JAKMIP1: variants seen among roughly 807,000 people sequenced by gnomAD.
The protein encoded by JAKMIP1 is janus kinase and microtubule interacting protein 1.
JAKMIP1 carries 33 observed loss-of-function variants against 113.0 expected under a neutral mutation model. That is an observed-to-expected ratio of 0.29 (90% confidence interval 0.22 to 0.39). The LOEUF is 0.39. Ranked by LOEUF, JAKMIP1 falls within the 10% of genes least tolerant of loss-of-function variation. The pLI is 1.00. For synonymous variants in JAKMIP1, 480 were observed against 459.9 expected, an observed-to-expected ratio of 1.04 and a Z score of -0.56; for missense variants, 813 against 1,080.5, an observed-to-expected ratio of 0.75 and a Z score of 3.47.
At chr4:6,039,657 T>A (rs141642880) in intron 18 of JAKMIP1, among the ~76,000 whole-genome samples, 2,875 of 152,262 alleles carry the variant, frequency 0.019, 30 homozygotes, top group Non-Finnish European at 0.032. Context: ...TGCTGTGTCT[T>A]GATAAGGTTT....
chr4:6,167,851 G>C lies in JAKMIP1; in HGVS notation c.-148+32402C>G, dbSNP rs561067954. Among the ~76,000 whole-genome samples the C allele has an allele frequency of 1.3e-5, 2 of 152,198 alleles. No individual in the cohort carries two copies. The highest frequency in any genetic ancestry group is 4.8e-5 in the African/African-American group (2 of 41,436). On this transcript the variant is annotated intron_variant, in intron 1 of 20. Coordinates refer to ENST00000409021, the MANE Select transcript of JAKMIP1 (RefSeq NM_001099433.2). This position sits in a 1 kb window ranked among gnomAD's most constrained non-coding sequence, Gnocchi z 5.3. The stretch of plus-strand genomic sequence containing the variant: ...GACATCTGAGTGCACTGAATGCTTC[G>C]GTTTAGAGCATGCCAGAAATCAGAG...
rs1170943520 is a variant in JAKMIP1 at position 6,157,188 on chromosome 4, CA to C, written c.-148+43064del. Among the ~76,000 whole-genome samples the C allele has an allele frequency of 6.6e-6, 1 of 152,190 alleles. No individual in the cohort carries two copies. The highest frequency in any genetic ancestry group is 2.4e-5 in the African/African-American group (1 of 41,434). ...CCTTGCCAGATGCAGGTCCCTCCAC[CA>C]TGGACTTCCCAGCCTCCAGAACTGT... is the stretch of plus-strand genomic sequence containing the variant. On this transcript the variant is annotated intron_variant, in intron 1 of 20. Transcript: ENST00000409021. The surrounding 1 kb of genome is among the most constrained non-coding windows in gnomAD (Gnocchi z 4.7).
chr4:6,032,005 C>T (rs574465544), intron 19 of JAKMIP1, among the ~76,000 whole-genome samples: 1 of 152,240 alleles, frequency 6.6e-6, no homozygotes, highest in Admixed American at 6.5e-5. Context: ...TCCTGGCAAC[C>T]CCCTCACATG....
At position 6,162,295 on chromosome 4, in the gene JAKMIP1, G is replaced by T. The variant is rs1723067451; in HGVS notation, c.-148+37958C>A. Among the ~76,000 whole-genome samples, 1 of 152,184 alleles carries T rather than the reference G, an allele frequency of 6.6e-6. No homozygotes were observed. The highest frequency in any genetic ancestry group is 6.5e-5 in the Admixed American group (1 of 15,288). On this transcript the variant is annotated intron_variant, in intron 1 of 20. Coordinates refer to ENST00000409021, the MANE Select transcript of JAKMIP1 (RefSeq NM_001099433.2). The surrounding 1 kb of genome is among the most constrained non-coding windows in gnomAD (Gnocchi z 5.6). ...GTGGTGACAGGGCCAGCAGAGGAGA[G>T]ACTCACCAGGACACTGCACTGCAGC...
rs148356407 is a variant in JAKMIP1, at chr4:6,095,985, G to C, written c.624+9488C>G. ...AAGGTGGCATATAACTGAGTGACTCGGGGCTGGCCTAGATGATGCTCAGGC... is the reference window on the plus strand; with the variant it reads ...AAGGTGGCATATAACTGAGTGACTCCGGGCTGGCCTAGATGATGCTCAGGC... On this transcript the variant is annotated intron_variant, in intron 3 of 20. Coordinates refer to ENST00000409021, the MANE Select transcript of JAKMIP1 (RefSeq NM_001099433.2). Among the ~76,000 whole-genome samples the C allele has an allele frequency of 7.8e-3, 1,195 of 152,314 alleles. 14 individuals carry two copies. The highest frequency in any genetic ancestry group is 0.028 in the African/African-American group (1,148 of 41,568).
rs1243744443 is a variant in JAKMIP1, at chr4:6,108,455, TG to T, written c.130-2489del. Among the ~76,000 whole-genome samples, 1 of 152,090 alleles carries T rather than the reference TG, an allele frequency of 6.6e-6. No individual in the cohort carries two copies. On this transcript the variant is annotated intron_variant, in intron 2 of 20. Transcript: ENST00000409021. The surrounding 1 kb of genome is among the most constrained non-coding windows in gnomAD (Gnocchi z 5.6). ...AGAGAGGGAGCATGCCCTGGGGGTG[TG>T]GGGGCTGGCGTGGAGAAATTATCTG...
chr4:6,173,032 C>T (rs530478162), intron 1 of JAKMIP1, among the ~76,000 whole-genome samples: 3 of 152,270 alleles, frequency 2.0e-5, no homozygotes, highest in South Asian at 2.1e-4. Flanking sequence ...AGGAGGCTAA[C>T]CCGATTAACA....
intron 1 of JAKMIP1, among the ~76,000 whole-genome samples, chr4:6,164,726 C>T (rs1723401125): frequency 6.6e-6 from 1 of 152,118 alleles, no homozygotes; most frequent in Non-Finnish European, 1.5e-5. Flanking sequence ...GATTCTAACC[C>T]CTATGGATGA....
At chr4:6,103,797 C>G (rs1713466040) in intron 3 of JAKMIP1, among the ~76,000 whole-genome samples, 1 of 152,084 alleles carries the variant, frequency 6.6e-6, no homozygotes, top group Non-Finnish European at 1.5e-5. Context: ...ATGCTGTTTG[C>G]TGTGGTTTTA....
chr4:6,115,380 A>T (rs113592352), intron 1 of JAKMIP1, among the ~76,000 whole-genome samples: 1,667 of 152,394 alleles, frequency 0.011, 39 homozygotes, highest in African/African-American at 0.038. Context: ...ATTGCACCCC[A>T]GCCTGGGAGA....
In JAKMIP1 at chr4:6,064,042, G is replaced by T. The variant is rs1030058388; in HGVS notation, c.1431+838C>A. On this transcript the variant is annotated intron_variant, in intron 9 of 20. Coordinates refer to ENST00000409021, the MANE Select transcript of JAKMIP1 (RefSeq NM_001099433.2). This position sits in a 1 kb window ranked among gnomAD's most constrained non-coding sequence, Gnocchi z 4.3. Reference sequence around the variant, plus strand: ...CCCCTTCCCACTCTTGCTCTTCCCTGGGCTCAGAAAAAGCCACCAGGGGCC... The same window carrying T: ...CCCCTTCCCACTCTTGCTCTTCCCTTGGCTCAGAAAAAGCCACCAGGGGCC... 6.6e-6 allele frequency among the ~76,000 whole-genome samples: 1 copy of T among 152,220 alleles called. No homozygotes were observed. The highest frequency in any genetic ancestry group is 2.4e-5 in the African/African-American group (1 of 41,458).
rs572015231 is a variant in JAKMIP1 at position 6,138,469 on chromosome 4, T to C, written c.-147-25472A>G. Among the ~76,000 whole-genome samples the C allele has an allele frequency of 3.1e-4, 47 of 151,610 alleles. No homozygotes were observed. The highest frequency in any genetic ancestry group is 5.6e-4 in the Non-Finnish European group (38 of 68,024). On this transcript the variant is annotated intron_variant, in intron 1 of 20. Transcript: ENST00000409021. The surrounding 1 kb of genome is among the most constrained non-coding windows in gnomAD (Gnocchi z 6.0). ...CCAGGCTGGTCTCAAACTCCTGACC[T>C]CACGTGATCCACCTGCCTCGGCCTC...
At position 6,129,658 on chromosome 4, in the gene JAKMIP1, A is replaced by G. The variant is rs1718233632; in HGVS notation, c.-147-16661T>C. Among the ~76,000 whole-genome samples, 2 of 151,854 alleles carry G rather than the reference A, an allele frequency of 1.3e-5. No homozygotes were observed. The highest frequency in any genetic ancestry group is 2.4e-5 in the African/African-American group (1 of 41,298). ...GACCCCCACTCAGCTGCCGTTCTCA[A>G]TATTTCCCTACACAGATCAGGAGGA... On this transcript the variant is annotated intron_variant, in intron 1 of 20. Coordinates refer to ENST00000409021, the MANE Select transcript of JAKMIP1 (RefSeq NM_001099433.2). The surrounding 1 kb of genome is among the most constrained non-coding windows in gnomAD (Gnocchi z 5.4).
At chr4:6,165,060 C>A (rs1404282148) in intron 1 of JAKMIP1, among the ~76,000 whole-genome samples, 1 of 152,128 alleles carries the variant, frequency 6.6e-6, no homozygotes, top group Admixed American at 6.5e-5. Flanking sequence ...AAAATGCTGC[C>A]AAGTATTGTG....
At position 6,186,476 on chromosome 4, in the gene JAKMIP1, T is replaced by A. The variant is rs1389191563; in HGVS notation, c.-148+13777A>T. 1.3e-5 allele frequency among the ~76,000 whole-genome samples: 2 copies of A among 152,232 alleles called. No homozygotes were observed. Among genetic ancestry groups the A allele is most frequent in the African/African-American group, 2.4e-5 (1 of 41,458 alleles). On this transcript the variant is annotated intron_variant, in intron 1 of 20. Transcript: ENST00000409021. This position sits in a 1 kb window ranked among gnomAD's most constrained non-coding sequence, Gnocchi z 5.5. ...CTGAACATCAGCTACAGGCCAGGCA[T>A]GGCTTGATGCTACTGACTTCTAACT...
At chr4:6,148,870 G>A (rs1369493092) in intron 1 of JAKMIP1, among the ~76,000 whole-genome samples, 2 of 152,204 alleles carry the variant, frequency 1.3e-5, no homozygotes, top group East Asian at 1.9e-4. Flanking sequence ...GGACATCCAC[G>A]CACAGGCATG....
In JAKMIP1 at chr4:6,081,013, A is replaced by ACACACACC. The variant is rs1454749071; in HGVS notation, c.1101+595_1101+596insGGTGTGTG. 2.0e-5 allele frequency among the ~76,000 whole-genome samples: 3 copies of ACACACACC among 151,154 alleles called. No individual in the cohort carries two copies. Among genetic ancestry groups the ACACACACC allele is most frequent in the African/African-American group, 7.3e-5 (3 of 41,118 alleles). The stretch of plus-strand genomic sequence containing the variant: ...CACACACACACACACACACACACAC[A>ACACACACC]CCTGCATCTGCTACAGTGCAGACAG... On this transcript the variant is annotated intron_variant, in intron 6 of 20. Coordinates refer to ENST00000409021, the MANE Select transcript of JAKMIP1 (RefSeq NM_001099433.2). The surrounding 1 kb of genome is among the most constrained non-coding windows in gnomAD (Gnocchi z 4.6).
chr4:6,066,118 G>T (rs1166510606), intron 8 of JAKMIP1, among the ~76,000 whole-genome samples: 1 of 152,040 alleles, frequency 6.6e-6, no homozygotes, highest in Non-Finnish European at 1.5e-5. Context: ...AGGCTCTGCT[G>T]GCTCATCCAA....
Position 6,168,075 on chromosome 4 carries a change from A to C in JAKMIP1, c.-148+32178T>G, listed in dbSNP as rs1288818913. On this transcript the variant is annotated intron_variant, in intron 1 of 20. Coordinates refer to ENST00000409021, the MANE Select transcript of JAKMIP1 (RefSeq NM_001099433.2). This position sits in a 1 kb window ranked among gnomAD's most constrained non-coding sequence, Gnocchi z 4.6. ...ATCAGCCCTCAGGGTAATACCAATC[A>C]AAACCGCAGTGAGACGGCACCACAC... is the stretch of plus-strand genomic sequence containing the variant. Among the ~76,000 whole-genome samples the C allele has an allele frequency of 6.6e-6, 1 of 152,214 alleles. No individual in the cohort carries two copies. The highest frequency in any genetic ancestry group is 1.5e-5 in the Non-Finnish European group (1 of 68,038).
Sources: allele counts gnomAD v4.1 joint callset (sites outside exome capture counted in the v4.1 genomes callset), GRCh38; gene constraint gnomAD v4.1.1; non-coding constraint Gnocchi (gnomAD v3.1); transcripts MANE v1.5; gene names NCBI Gene and HGNC (gene_info 2026-07-23, HGNC 2026-07-21).